Variants in MTREX observed in about 807,000 individuals in gnomAD.
MTREX encodes the protein exosome RNA helicase MTR4.
MTREX carries 76 observed loss-of-function variants against 135.4 expected under a neutral mutation model. The ratio of observed to expected loss-of-function variants is 0.56; its 90% CI spans 0.47 to 0.68. The LOEUF is 0.68. Ranked by LOEUF, MTREX falls within the 30% of genes least tolerant of loss-of-function variation. The pLI is 0.00. For synonymous variants in MTREX, 404 were observed against 401.6 expected (o/e 1.01, Z -0.07); for missense variants, 920 against 1,262.1 (o/e 0.73, Z 4.11).
chr5:55,334,356 T>G, intron 5 of MTREX, among the ~76,000 whole-genome samples: 1 of 152,070 alleles, frequency 6.6e-6, no homozygotes, highest in East Asian at 1.9e-4. Context: ...GTAAACCTGA[T>G]GAAGTACCTA....
At chr5:55,317,443 A>G (rs1376577816) in intron 1 of MTREX, among the ~76,000 whole-genome samples, 1 of 152,234 alleles carries the variant, frequency 6.6e-6, no homozygotes, top group African/African-American at 2.4e-5. Context: ...ACATTGAACA[A>G]TGGAACAGAG....
At chr5:55,407,587 G>A (rs983936980) in intron 22 of MTREX, among the ~76,000 whole-genome samples, 1 of 152,014 alleles carries the variant, frequency 6.6e-6, no homozygotes, top group African/African-American at 2.4e-5. Flanking sequence ...CAAAAACTGG[G>A]GCATCATCCT....
At chr5:55,383,167 T>C (rs1414569520) in intron 18 of MTREX, among the ~76,000 whole-genome samples, 1 of 152,244 alleles carries the variant, frequency 6.6e-6, no homozygotes, top group South Asian at 2.1e-4. Context: ...TAATATAATG[T>C]ATACATATTG....
Position 55,366,756 on chromosome 5 carries a change from A to G in MTREX, c.1691A>G (p.His564Arg), listed in dbSNP as rs1475352853. The change falls in exon 16 of 27, where the codon CAT (histidine) becomes CGT (arginine). Residue 564 changes from histidine to arginine, a missense_variant. This residue lies in a region of MTREX where 467 missense variants were observed against 589.7 expected (regional missense o/e 0.79). Coordinates refer to ENST00000230640, the MANE Select transcript of MTREX (RefSeq NM_015360.5). ...GSADPLNSAF[H>R]LTYNMVLNLL... Reference sequence around the variant, plus strand: ...GCTGATCCTCTAAATAGTGCTTTCCATTTGACCTACAACATGGTTTTGAAC... The same window carrying G: ...GCTGATCCTCTAAATAGTGCTTTCCGTTTGACCTACAACATGGTTTTGAAC... The G allele has an allele frequency of 1.2e-6, 2 of 1,607,628 alleles. No individual in the cohort carries two copies. Among genetic ancestry groups the G allele is most frequent in the South Asian group, 2.2e-5 (2 of 89,090 alleles).
chr5:55,416,680 AG>A (rs1750970296), intron 25 of MTREX, among the ~76,000 whole-genome samples: 1 of 151,786 alleles, frequency 6.6e-6, no homozygotes, highest in Non-Finnish European at 1.5e-5. Flanking sequence ...GTGAATAATA[AG>A]AAGCAAAAAA....
At chr5:55,380,326 T>C (rs1750375337) in intron 18 of MTREX, among the ~76,000 whole-genome samples, 1 of 152,140 alleles carries the variant, frequency 6.6e-6, no homozygotes, top group Admixed American at 6.6e-5. Context: ...ACATTTAGTA[T>C]ATTTGCAGAT....
At chr5:55,402,183 G>A (rs1750731969) in intron 21 of MTREX, among the ~76,000 whole-genome samples, 1 of 152,132 alleles carries the variant, frequency 6.6e-6, no homozygotes, top group Non-Finnish European at 1.5e-5. Context: ...CACAATACTG[G>A]CTGCATGCTC....
Position 55,358,705 on chromosome 5 carries a change from A to G in MTREX, c.1659+7A>G, listed in dbSNP as rs977952480. Reference sequence around the variant, plus strand: ...TGGAAAACAATTACTTAAGGTAACTACATTAAGATTGTGTACCTTTACCAA... The same window carrying G: ...TGGAAAACAATTACTTAAGGTAACTGCATTAAGATTGTGTACCTTTACCAA... On this transcript the variant is annotated splice_region_variant and intron_variant, in intron 15 of 26. Coordinates refer to ENST00000230640, the MANE Select transcript of MTREX (RefSeq NM_015360.5). The G allele has an allele frequency of 1.2e-5, 19 of 1,582,374 alleles. No individual in the cohort carries two copies. Among genetic ancestry groups the G allele is most frequent in the South Asian group, 4.7e-5 (4 of 84,914 alleles).
chr5:55,346,480 A>G (rs771308901), intron 10 of MTREX, among the ~76,000 whole-genome samples: 10 of 152,204 alleles, frequency 6.6e-5, no homozygotes, highest in Non-Finnish European at 8.8e-5. Context: ...ATTTTTTCAC[A>G]TATAATTTTT....
At chr5:55,416,944 A>G (rs1242211469) in intron 25 of MTREX, among the ~76,000 whole-genome samples, 2 of 152,188 alleles carry the variant, frequency 1.3e-5, no homozygotes, top group Non-Finnish European at 1.5e-5. Flanking sequence ...TTCAACTGAT[A>G]TTATTAAAGA....
At chr5:55,375,134 A>G (rs1319686786) in intron 16 of MTREX, among the ~76,000 whole-genome samples, 1 of 152,236 alleles carries the variant, frequency 6.6e-6, no homozygotes, top group East Asian at 1.9e-4. Flanking sequence ...GGGCGAGATC[A>G]CAGGACCGCA....
rs1749332781 is a variant in MTREX, at chr5:55,324,206, C to G, written c.339+8C>G. ...GAAGGGTGTACACATGAGGTAAGCA[C>G]AAACAGCATACAGAAGGTTAGTGTT... On this transcript the variant is annotated splice_region_variant and intron_variant, in intron 3 of 26. Transcript: ENST00000230640. The G allele has an allele frequency of 6.3e-7, 1 of 1,597,216 alleles. No homozygotes were observed. The highest frequency in any genetic ancestry group is 2.3e-5 in the East Asian group (1 of 44,442).
intron 19 of MTREX, among the ~76,000 whole-genome samples, chr5:55,394,564 G>A (rs973155332): frequency 5.3e-5 from 8 of 152,110 alleles, no homozygotes; most frequent in African/African-American, 1.9e-4. Context: ...TGCCATGTTT[G>A]CACTGGTATG....
chr5:55,419,335 C>T (rs1415578590), intron 25 of MTREX, among the ~76,000 whole-genome samples: 1 of 152,130 alleles, frequency 6.6e-6, no homozygotes, highest in African/African-American at 2.4e-5. Flanking sequence ...CATTTCATAT[C>T]CTGAGCCTCA....
intron 16 of MTREX, among the ~76,000 whole-genome samples, chr5:55,373,668 T>C (rs1464918434): frequency 6.6e-6 from 1 of 152,324 alleles, no homozygotes; most frequent in East Asian, 1.9e-4. Flanking sequence ...TGTAAAAATT[T>C]CAATTTGTTA....
intron 22 of MTREX, 120 bp from the exon 23 acceptor site, chr5:55,410,404 C>T (rs1750867402): frequency 4.4e-6 from 2 of 459,378 alleles, no homozygotes; most frequent in East Asian, 3.2e-5. Context: ...TGTCATTCCT[C>T]ATTGATTACT....
At chr5:55,311,823 G>A (rs995306819) in intron 1 of MTREX, among the ~76,000 whole-genome samples, 6 of 152,132 alleles carry the variant, frequency 3.9e-5, no homozygotes, top group Non-Finnish European at 7.4e-5. Flanking sequence ...TTCAATGAAA[G>A]ATATTAAAAT....
intron 3 of MTREX, among the ~76,000 whole-genome samples, chr5:55,325,762 A>C (rs1031686959): frequency 6.6e-6 from 1 of 151,412 alleles, no homozygotes; most frequent in Non-Finnish European, 1.5e-5. Flanking sequence ...TAGTTTTTCA[A>C]CCCTTTCCCA....
intron 16 of MTREX, among the ~76,000 whole-genome samples, chr5:55,369,915 C>CTTTTT (rs60011222): frequency 1.4e-5 from 2 of 141,422 alleles, no homozygotes; most frequent in African/African-American, 2.6e-5. Context: ...TTTCTTTTTT[C>CTTTTT]TTTTTTTTTT....
Sources: gnomAD v4.1 joint callset for allele counts (sites outside exome capture counted in the v4.1 genomes callset) on GRCh38, gnomAD v4.1.1 for gene constraint, gnomAD v4.1.1 regional missense constraint, MANE v1.5 for transcripts, NCBI Gene and HGNC (gene_info 2026-07-23, HGNC 2026-07-21) for gene names.